THAP8: variants seen among roughly 807,000 people sequenced by gnomAD.
The protein encoded by THAP8 is THAP domain containing 8.
In THAP8, 24 loss-of-function variants were observed where a neutral mutation model predicts 25.0. That is an observed-to-expected ratio of 0.96 (90% CI 0.69 to 1.35). THAP8 has a LOEUF of 1.35. Among genes scored for constraint, THAP8 ranks in the 40% most tolerant of loss-of-function variants. The pLI, the probability that THAP8 is intolerant of heterozygous loss-of-function variation, is 0.00. For missense variants in THAP8, 399 were observed against 368.8 expected (o/e 1.08, Z -0.67); for synonymous variants, 169 against 157.6 (o/e 1.07, Z -0.54).
intron 1 of THAP8, among the ~76,000 whole-genome samples, chr19:36,040,602 T>C (rs1359968874): frequency 6.6e-6 from 1 of 152,084 alleles, no homozygotes; most frequent in East Asian, 1.9e-4. Context: ...GCTAGGATTA[T>C]AGGCATGAGC....
intron 1 of THAP8, among the ~76,000 whole-genome samples, chr19:36,052,133 C>T (rs1243316190): frequency 1.3e-5 from 2 of 152,088 alleles, no homozygotes; most frequent in South Asian, 2.1e-4. Flanking sequence ...CAACCTCTGC[C>T]TCCTGGGTTC....
upstream of THAP8, chr19:36,054,482 T>C: frequency 1.7e-6 from 1 of 582,462 alleles, no homozygotes; most frequent in Non-Finnish European, 3.1e-6. Flanking sequence ...CACCCCGACT[T>C]TCATCACGTG....
At chr19:36,054,446 G>T (rs1488635269), upstream of THAP8, 4 of 601,646 alleles carry the variant, frequency 6.6e-6, no homozygotes, top group Non-Finnish European at 1.2e-5. Context: ...CGAGTACTGT[G>T]CACCTGCGCA....
chr19:36,043,237 AT>A (rs1969761274), intron 1 of THAP8, among the ~76,000 whole-genome samples: 1 of 152,078 alleles, frequency 6.6e-6, no homozygotes, highest in Non-Finnish European at 1.5e-5. Context: ...CTGGAATTTT[AT>A]TTAGTCTTGA....
At chr19:36,036,970 C>A (rs917771329) in intron 3 of THAP8, among the ~76,000 whole-genome samples, 65 of 150,762 alleles carry the variant, frequency 4.3e-4, no homozygotes, top group South Asian at 8.4e-4. Context: ...ATCGGATACT[C>A]CTTAACTCCA....
At chr19:36,037,708 CG>C (rs1969527215) in intron 3 of THAP8, among the ~76,000 whole-genome samples, 1 of 152,270 alleles carries the variant, frequency 6.6e-6, no homozygotes, top group East Asian at 1.9e-4. Context: ...GGCACAATCT[CG>C]GCTCACTGCA....
intron 3 of THAP8, among the ~76,000 whole-genome samples, chr19:36,037,377 C>CACAG (rs1969511172): frequency 6.6e-6 from 1 of 151,146 alleles, no homozygotes; most frequent in Admixed American, 6.6e-5. Flanking sequence ...CACACACACA[C>CACAG]ACACCCAGCA....
At position 36,040,017 on chromosome 19, in the gene THAP8, T is replaced by C; in HGVS notation, c.203A>G (p.Gln68Arg). 1 of 1,613,790 alleles carries C rather than the reference T, an allele frequency of 6.2e-7. No individual in the cohort carries two copies. The change falls in exon 2 of 4, where the codon CAG becomes CGG. Residue 68 changes from glutamine to arginine, a missense_variant. Transcript: ENST00000292894. ...CAGGTAGCGCACACCCCAGCGCCAC[T>C]GGAAGCAGGAGGGTGTGAAGTGCTC... ...CSEHFTPSCFQWRWGVRYLRP... is the reference protein window; with the variant it reads ...CSEHFTPSCFRWRWGVRYLRP...
At chr19:36,052,911 G>A (rs1471129667) in intron 1 of THAP8, among the ~76,000 whole-genome samples, 1 of 152,158 alleles carries the variant, frequency 6.6e-6, no homozygotes, top group Non-Finnish European at 1.5e-5. Flanking sequence ...CTTTACATCT[G>A]CAGTATGTCC....
chr19:36,051,162 T>C (rs1164664199), intron 1 of THAP8, among the ~76,000 whole-genome samples: 2 of 152,056 alleles, frequency 1.3e-5, no homozygotes, highest in African/African-American at 2.4e-5. Context: ...CATAGGGTGG[T>C]AGTCATAAAG....
intron 1 of THAP8, among the ~76,000 whole-genome samples, chr19:36,048,388 G>T (rs1317196810): frequency 1.4e-5 from 2 of 147,008 alleles, no homozygotes; most frequent in Non-Finnish European, 3.0e-5. Context: ...TTTTTTAGAC[G>T]AAGTTTCACC....
intron 3 of THAP8, among the ~76,000 whole-genome samples, chr19:36,035,911 TAAAG>T (rs148755822): frequency 0.014 from 2,173 of 151,300 alleles, 120 homozygotes; most frequent in South Asian, 0.12. Context: ...AATATGCAGA[TAAAG>T]AGAGACACAG....
At chr19:36,052,130 T>C (rs899650606) in intron 1 of THAP8, among the ~76,000 whole-genome samples, 7 of 152,034 alleles carry the variant, frequency 4.6e-5, no homozygotes, top group Admixed American at 3.9e-4. Context: ...CTGCAACCTC[T>C]GCCTCCTGGG....
intron 1 of THAP8, among the ~76,000 whole-genome samples, chr19:36,043,983 C>G (rs150758118): frequency 1.3e-5 from 2 of 152,204 alleles, no homozygotes; most frequent in East Asian, 3.9e-4. Context: ...CTAAATGTGC[C>G]CCACTTCTCC....
chr19:36,035,845 G>GA (rs1163429457), intron 3 of THAP8, among the ~76,000 whole-genome samples: 3 of 152,100 alleles, frequency 2.0e-5, no homozygotes, highest in Non-Finnish European at 2.9e-5. Flanking sequence ...GTGGGGGAAA[G>GA]AGATGTGCAG....
rs1361474580 is a variant in THAP8 at position 36,039,600 on chromosome 19, A to C, written c.395T>G (p.Val132Gly). The change falls in exon 3 of 4, where the codon GTG becomes GGG. Residue 132 changes from valine (V) to glycine (G), a missense_variant. Transcript: ENST00000292894. ...IPVSGPVRLV[V>G]LGPTSGSPKT... ...GGGGCTCCCCGATGTGGGGCCCAGCACCACTAGGCGCACTGGGCCAGAGAC... is the reference window on the plus strand; with the variant it reads ...GGGGCTCCCCGATGTGGGGCCCAGCCCCACTAGGCGCACTGGGCCAGAGAC... 4 of 1,512,330 alleles carry C rather than the reference A, an allele frequency of 2.6e-6. No homozygotes were observed. The highest frequency in any genetic ancestry group is 3.6e-6 in the Non-Finnish European group (4 of 1,126,278). 93.7% of individuals were successfully genotyped at this position (1,512,330 alleles called of 1,614,324 possible). A position where few individuals can be genotyped will look rare whatever the true frequency, so the allele number is the denominator to read the frequency against.
intron 1 of THAP8, among the ~76,000 whole-genome samples, chr19:36,051,813 T>G (rs552653884): frequency 2.1e-3 from 325 of 152,182 alleles, no homozygotes; most frequent in Non-Finnish European, 3.3e-3. Context: ...GTCTATGGCC[T>G]GTTAGGAATA....
intron 1 of THAP8, among the ~76,000 whole-genome samples, chr19:36,048,427 G>A (rs1024690091): frequency 7.3e-5 from 11 of 151,222 alleles, no homozygotes; most frequent in African/African-American, 1.9e-4. Context: ...GTGCAGTGGC[G>A]CGATCTTGGC....
upstream of THAP8, chr19:36,054,752 C>T (rs1970245008): frequency 1.6e-6 from 1 of 618,796 alleles, no homozygotes; most frequent in East Asian, 2.7e-5. Context: ...GCATCCAGTA[C>T]ACTGGCTGTG....
Sources: gnomAD v4.1 joint callset for allele counts (sites outside exome capture counted in the v4.1 genomes callset) on GRCh38, gnomAD v4.1.1 for gene constraint, MANE v1.5 for transcripts, NCBI Gene and HGNC (gene_info 2026-07-23, HGNC 2026-07-21) for gene names.